Variants in CNBD1 observed in about 807,000 individuals in gnomAD.
CNBD1 encodes the protein cyclic nucleotide-binding domain-containing protein 1.
In CNBD1, 71 loss-of-function variants were observed where a neutral mutation model predicts 54.4. The observed-to-expected ratio is 1.30, with a 90% CI of 1.08 to 1.59. CNBD1 has a LOEUF of 1.59. CNBD1 is among the 40% of genes most tolerant of loss of function. The pLI, the probability that CNBD1 is intolerant of heterozygous loss-of-function variation, is 0.00. For synonymous variants in CNBD1, 182 were observed against 170.7 expected (o/e 1.07, Z -0.51); for missense variants, 659 against 518.0 (o/e 1.27, Z -2.64).
chr8:86,986,645 G>T (rs1365142302), intron 4 of CNBD1, among the ~76,000 whole-genome samples: 1 of 152,204 alleles, frequency 6.6e-6, no homozygotes, highest in East Asian at 1.9e-4. Context: ...TATAGTTTGA[G>T]GTATTACATT....
At chr8:87,231,857 C>T (rs1807446993) in intron 5 of CNBD1, among the ~76,000 whole-genome samples, 1 of 151,978 alleles carries the variant, frequency 6.6e-6, no homozygotes, top group South Asian at 2.1e-4. Flanking sequence ...TATCCCAGAT[C>T]CTTAGCAAGA....
chr8:87,042,547 G>C (rs1397614979), intron 4 of CNBD1, among the ~76,000 whole-genome samples: 1 of 152,160 alleles, frequency 6.6e-6, no homozygotes, highest in Non-Finnish European at 1.5e-5. Flanking sequence ...GTTAAATGAT[G>C]GGGAAGAAAT....
chr8:86,897,667 T>G (rs891714085), intron 2 of CNBD1, among the ~76,000 whole-genome samples: 1 of 152,074 alleles, frequency 6.6e-6, no homozygotes, highest in African/African-American at 2.4e-5. Context: ...AAATATAATG[T>G]TTTTTTCCTC....
intron 4 of CNBD1, among the ~76,000 whole-genome samples, chr8:87,054,075 G>C (rs772524117): frequency 1.3e-5 from 2 of 152,224 alleles, no homozygotes; most frequent in Non-Finnish European, 2.9e-5. Flanking sequence ...TCCATTCACA[G>C]ATAAGACATG....
intron 2 of CNBD1, among the ~76,000 whole-genome samples, chr8:87,412,396 A>G (rs1044014503): frequency 2.8e-4 from 43 of 152,250 alleles, no homozygotes; most frequent in African/African-American, 1.0e-3. Context: ...CGATATGACC[A>G]GGATTTGCTT....
At chr8:87,139,120 T>C (rs1263249087) in intron 4 of CNBD1, among the ~76,000 whole-genome samples, 2 of 152,240 alleles carry the variant, frequency 1.3e-5, no homozygotes, top group African/African-American at 2.4e-5. Context: ...ACACCCTTTA[T>C]TTTTATAATC....
intron 10 of CNBD1, among the ~76,000 whole-genome samples, chr8:87,371,221 G>T (rs915173556): frequency 2.0e-5 from 3 of 151,782 alleles, no homozygotes; most frequent in African/African-American, 7.3e-5. Context: ...GCTCTTTTTT[G>T]GTTCCATATG....
intron 1 of CNBD1, among the ~76,000 whole-genome samples, chr8:86,878,224 A>G (rs914236987): frequency 4.0e-5 from 6 of 150,360 alleles, no homozygotes; most frequent in African/African-American, 1.5e-4. Context: ...ATTATAAATT[A>G]ATCATTTTTA....
chr8:86,997,314 T>C lies in CNBD1; in HGVS notation c.431+57560T>C, dbSNP rs544075837. Among the ~76,000 whole-genome samples the C allele has an allele frequency of 2.1e-4, 32 of 152,326 alleles. 1 individual carries two copies. In the South Asian group the frequency reaches 6.2e-3, roughly 30 times the overall value. On this transcript the variant is annotated intron_variant, in intron 4 of 10. Coordinates refer to ENST00000518476, the MANE Select transcript of CNBD1 (RefSeq NM_173538.3). Reference sequence around the variant, plus strand: ...CTTAAAAAATTTCCAAAAATACAAGTTGAACCTCTTGAGCATCATTGCTGT... The same window carrying C: ...CTTAAAAAATTTCCAAAAATACAAGCTGAACCTCTTGAGCATCATTGCTGT...
Position 87,360,866 on chromosome 8 carries a change from A to G in CNBD1, c.1303+7080A>G, listed in dbSNP as rs147890770. Among the ~76,000 whole-genome samples the G allele has an allele frequency of 4.3e-3, 652 of 152,062 alleles. 7 individuals are homozygous for G. Among genetic ancestry groups the G allele is most frequent in the African/African-American group, 0.015 (623 of 41,558 alleles). The stretch of plus-strand genomic sequence containing the variant: ...GAAGAATGCCTAAAGACTATCTCTC[A>G]TAATGCTTAATACAAAGCACAGGAG... On this transcript the variant is annotated intron_variant, in intron 10 of 10. Coordinates refer to ENST00000518476, the MANE Select transcript of CNBD1 (RefSeq NM_173538.3).
chr8:87,357,922 C>T (rs1039916793), intron 10 of CNBD1, among the ~76,000 whole-genome samples: 3 of 152,102 alleles, frequency 2.0e-5, no homozygotes, highest in Non-Finnish European at 4.4e-5. Flanking sequence ...TTGGCTTCAT[C>T]TTCATGATAA....
At chr8:87,199,753 A>T (rs552488706) in intron 4 of CNBD1, among the ~76,000 whole-genome samples, 1 of 152,246 alleles carries the variant, frequency 6.6e-6, no homozygotes, top group Admixed American at 6.5e-5. Context: ...AATTGTCAAC[A>T]ATGAGTATTT....
intron 4 of CNBD1, among the ~76,000 whole-genome samples, chr8:87,030,744 A>G (rs566050570): frequency 1.4e-4 from 21 of 152,188 alleles, no homozygotes; most frequent in Middle Eastern, 3.4e-3. Context: ...AACTCAGGAT[A>G]AGATGGAGGG....
chr8:87,172,921 G>GT (rs1813119417), intron 4 of CNBD1, among the ~76,000 whole-genome samples: 1 of 151,688 alleles, frequency 6.6e-6, no homozygotes, highest in African/African-American at 2.4e-5. Context: ...TTTGTTATTT[G>GT]TTTTCCGGTT....
intron 8 of CNBD1, among the ~76,000 whole-genome samples, chr8:87,296,404 G>T (rs1407447821): frequency 6.6e-6 from 1 of 152,004 alleles, no homozygotes; most frequent in Non-Finnish European, 1.5e-5. Flanking sequence ...AGGGAGAAAG[G>T]GGGAAGAAGT....
chr8:87,029,350 C>G (rs1288108340), intron 4 of CNBD1, among the ~76,000 whole-genome samples: 1 of 152,174 alleles, frequency 6.6e-6, no homozygotes, highest in Admixed American at 6.5e-5. Context: ...TAATTTTCAG[C>G]ACTTAGTTGT....
At position 86,903,291 on chromosome 8, in the gene CNBD1, T is replaced by TA. The variant is rs1808966995; in HGVS notation, c.159-1784dup. ...ATAAGTGTAACTAAGGTTATACACA[T>TA]AAAAAATGACTTGGGTAAAAGTCTT... On this transcript the variant is annotated intron_variant, in intron 2 of 10. Transcript: ENST00000518476. Among the ~76,000 whole-genome samples, 5 of 152,264 alleles carry TA rather than the reference T, an allele frequency of 3.3e-5. 1 individual carries two copies. The South Asian group carries it at 8.3e-4, about 25-fold the overall frequency.
chr8:87,144,776 C>T (rs901780502), intron 4 of CNBD1, among the ~76,000 whole-genome samples: 2 of 147,890 alleles, frequency 1.4e-5, no homozygotes, highest in Non-Finnish European at 3.0e-5. Flanking sequence ...AGCCAAATTG[C>T]GCCATTGCAC....
At chr8:87,257,624 G>A (rs1352300266) in intron 6 of CNBD1, among the ~76,000 whole-genome samples, 1 of 152,070 alleles carries the variant, frequency 6.6e-6, no homozygotes, top group East Asian at 1.9e-4. Flanking sequence ...ACTCAGGAAG[G>A]ACAAGGCAGC....
Sources: gnomAD v4.1 joint callset for allele counts (sites outside exome capture counted in the v4.1 genomes callset) on GRCh38, gnomAD v4.1.1 for gene constraint, MANE v1.5 for transcripts, NCBI Gene and HGNC (gene_info 2026-07-23, HGNC 2026-07-21) for gene names.